Variants in SDC2 observed in about 807,000 individuals in gnomAD.
SDC2 encodes the protein syndecan-2.
SDC2 carries 13 observed loss-of-function variants against 22.2 expected under a neutral mutation model. The ratio of observed to expected loss-of-function variants is 0.59; its 90% confidence interval spans 0.38 to 0.93. SDC2 has a LOEUF of 0.93. SDC2 is among the 40% of genes least tolerant of loss of function. The pLI, the probability that SDC2 is intolerant of heterozygous loss-of-function variation, is 0.00. For synonymous variants in SDC2, 94 were observed against 92.8 expected (o/e 1.01, Z -0.07); for missense variants, 235 against 246.8 (o/e 0.95, Z 0.32).
At chr8:96,547,965 T>G (rs971016110) in intron 1 of SDC2, among the ~76,000 whole-genome samples, 4 of 152,152 alleles carry the variant, frequency 2.6e-5, no homozygotes, top group African/African-American at 9.7e-5. Context: ...TTTTGCTATG[T>G]TGCCCAGGCT....
intron 1 of SDC2, among the ~76,000 whole-genome samples, chr8:96,541,939 G>A (rs1480185881): frequency 1.3e-5 from 2 of 152,148 alleles, no homozygotes; most frequent in African/African-American, 4.8e-5. Flanking sequence ...TGAAACAAAG[G>A]CCCTCAGCCT....
intron 1 of SDC2, among the ~76,000 whole-genome samples, chr8:96,563,121 G>A (rs1207894311): frequency 6.6e-6 from 1 of 152,040 alleles, no homozygotes; most frequent in East Asian, 1.9e-4. Flanking sequence ...CGAGGTGACT[G>A]TGTTGCCAAG....
At chr8:96,577,688 T>C (rs1036827297) in intron 1 of SDC2, among the ~76,000 whole-genome samples, 35 of 152,314 alleles carry the variant, frequency 2.3e-4, no homozygotes, top group Admixed American at 1.4e-3. Context: ...TATATTATCA[T>C]ACAGAATAAT....
rs1026559508 is a variant in SDC2, at chr8:96,611,493, G to A, written c.*1945G>A. ...CCTTAATGGCCTTAATTAATTCTCA[G>A]ATTCCTGCCCCATCACTTACAGAAC... is the stretch of plus-strand genomic sequence containing the variant. On this transcript the variant is annotated 3_prime_UTR_variant, in exon 5 of 5. Transcript: ENST00000302190. 6.6e-6 allele frequency: 1 copy of A among 152,550 alleles called. No homozygotes were observed. Among genetic ancestry groups the A allele is most frequent in the Non-Finnish European group, 1.5e-5 (1 of 68,042 alleles). 9.4% of individuals were successfully genotyped at this position (152,550 alleles called of 1,614,324 possible).
intron 2 of SDC2, among the ~76,000 whole-genome samples, chr8:96,598,990 G>A (rs1814930077): frequency 1.4e-5 from 2 of 138,316 alleles, no homozygotes; most frequent in African/African-American, 5.5e-5. Context: ...TGCCCAGGCT[G>A]GAGTGCAGTG....
Position 96,611,788 on chromosome 8 carries a change from A to G in SDC2, c.*2240A>G, listed in dbSNP as rs1372945661. On this transcript the variant is annotated 3_prime_UTR_variant, in exon 5 of 5. Transcript: ENST00000302190. ...CAAAAGTAAATCATTGTATAGACTG[A>G]CATCCAGTTTTCTTCAACTGTACAC... is the stretch of plus-strand genomic sequence containing the variant. 1 of 152,476 alleles carries G rather than the reference A, an allele frequency of 6.6e-6. No individual in the cohort carries two copies. The highest frequency in any genetic ancestry group is 1.5e-5 in the Non-Finnish European group (1 of 67,990). 9.4% of individuals were successfully genotyped at this position (152,476 alleles called of 1,614,324 possible).
intron 1 of SDC2, among the ~76,000 whole-genome samples, chr8:96,579,617 A>G (rs1814558399): frequency 1.3e-5 from 2 of 152,248 alleles, no homozygotes. Flanking sequence ...TGCAAATTAA[A>G]AATTGGAAAT....
intron 1 of SDC2, among the ~76,000 whole-genome samples, chr8:96,551,262 C>G (rs1814020486): frequency 6.6e-6 from 1 of 152,216 alleles, no homozygotes; most frequent in Non-Finnish European, 1.5e-5. Flanking sequence ...TTCTCACTCA[C>G]TAAGTGGGAT....
In SDC2 at chr8:96,609,597, T is replaced by G; in HGVS notation, c.*49T>G. ...TATGAGATCACTGAACTTTTCAAAA[T>G]AAAGCTTTTGCATAGAATAATGAAG... On this transcript the variant is annotated 3_prime_UTR_variant, in exon 5 of 5. Transcript: ENST00000302190. 1 of 1,337,784 alleles carries G rather than the reference T, an allele frequency of 7.5e-7. No individual in the cohort carries two copies. Among genetic ancestry groups the G allele is most frequent in the African/African-American group, 1.5e-5 (1 of 66,980 alleles). 82.9% of individuals were successfully genotyped at this position (1,337,784 alleles called of 1,614,324 possible). A position where few individuals can be genotyped will look rare whatever the true frequency, so the allele number is the denominator to read the frequency against.
chr8:96,610,513 T>TAAAA lies in SDC2; in HGVS notation c.*971_*974dup, dbSNP rs1252348297. 2 of 152,030 alleles carry TAAAA rather than the reference T, an allele frequency of 1.3e-5. No homozygotes were observed. Among genetic ancestry groups the TAAAA allele is most frequent in the Admixed American group, 1.3e-4 (2 of 15,210 alleles). The allele number at this position is 152,030 out of a possible 1,614,324, so 9.4% of individuals were successfully genotyped here. On this transcript the variant is annotated 3_prime_UTR_variant, in exon 5 of 5. Transcript: ENST00000302190. ...GTGTTAATGAGTATATGTAACAGTT[T>TAAAA]AAAAAAAAAGTTGGTATTTTATAAG...
At chr8:96,526,364 AC>A (rs1251664409) in intron 1 of SDC2, among the ~76,000 whole-genome samples, 2 of 121,786 alleles carry the variant, frequency 1.6e-5, no homozygotes, top group Non-Finnish European at 3.4e-5. Context: ...TGCAAAAACC[AC>A]CCAGTTGTTA....
chr8:96,519,654 AT>A lies in SDC2; in HGVS notation c.60+25334del, dbSNP rs970023870. Among the ~76,000 whole-genome samples, 149 of 149,326 alleles carry A rather than the reference AT, an allele frequency of 1.0e-3. No individual in the cohort carries two copies. In the Middle Eastern group the frequency reaches 0.018, roughly 18 times the overall value. On this transcript the variant is annotated intron_variant, in intron 1 of 4. Transcript: ENST00000302190. ...TAATTATTTTTTAGAAGTAGTATAA[AT>A]TTTTTTTTTTCTTTTGAGACAGAGT...
chr8:96,605,338 TGTAATA>T (rs1429493959), intron 3 of SDC2, among the ~76,000 whole-genome samples: 4 of 152,236 alleles, frequency 2.6e-5, no homozygotes, highest in Non-Finnish European at 4.4e-5. Context: ...TTTTCTAACT[TGTAATA>T]GTAAAGCAGT....
intron 1 of SDC2, among the ~76,000 whole-genome samples, chr8:96,552,533 A>T (rs1439116591): frequency 2.0e-5 from 3 of 152,208 alleles, no homozygotes; most frequent in Non-Finnish European, 4.4e-5. Context: ...AGTTCAATAC[A>T]TTTGATAAGT....
chr8:96,530,105 A>C lies in SDC2; in HGVS notation c.60+35774A>C, dbSNP rs1364469162. 5.9e-5 allele frequency among the ~76,000 whole-genome samples: 9 copies of C among 152,194 alleles called. No homozygotes were observed. In the East Asian group the frequency reaches 1.7e-3, roughly 29 times the overall value. ...AACACTATATACATTAAAGGTGCTT[A>C]AATGATGTTTTCTCTGACTTCCTAA... is the stretch of plus-strand genomic sequence containing the variant. On this transcript the variant is annotated intron_variant, in intron 1 of 4. Transcript: ENST00000302190.
At chr8:96,581,135 G>A (rs1285821950) in intron 1 of SDC2, among the ~76,000 whole-genome samples, 1 of 152,186 alleles carries the variant, frequency 6.6e-6, no homozygotes, top group South Asian at 2.1e-4. Flanking sequence ...TGTTCCAACT[G>A]AGACTTTTAA....
chr8:96,595,194 T>C (rs2704256), intron 2 of SDC2, among the ~76,000 whole-genome samples: 30,116 of 152,208 alleles, frequency 0.2, 3,500 homozygotes, highest in South Asian at 0.36. Context: ...TAGATATCTA[T>C]GTTCGGTATA....
At chr8:96,514,002 T>A (rs1187983095) in intron 1 of SDC2, among the ~76,000 whole-genome samples, 1 of 152,188 alleles carries the variant, frequency 6.6e-6, no homozygotes, top group Non-Finnish European at 1.5e-5. Context: ...GCTGAGCAAC[T>A]TAAACTATAT....
intron 1 of SDC2, among the ~76,000 whole-genome samples, chr8:96,511,931 T>G (rs1813334069): frequency 6.6e-6 from 1 of 152,198 alleles, no homozygotes; most frequent in Non-Finnish European, 1.5e-5. Context: ...ACATAGTGGC[T>G]TAAAGTAGAT....
Sources: allele counts gnomAD v4.1 joint callset (sites outside exome capture counted in the v4.1 genomes callset), GRCh38; gene constraint gnomAD v4.1.1; transcripts MANE v1.5; gene names NCBI Gene and HGNC (gene_info 2026-07-23, HGNC 2026-07-21).